Variants in C8orf34 observed in about 807,000 individuals in gnomAD.
C8orf34 encodes chromosome 8 open reading frame 34.
In C8orf34, 65 loss-of-function variants were observed where a neutral mutation model predicts 68.3. The ratio of observed to expected loss-of-function variants is 0.95; its 90% CI spans 0.78 to 1.17. C8orf34 has a LOEUF of 1.17. Ranked by LOEUF, C8orf34 falls within the 50% of genes most tolerant of loss-of-function variation. The pLI is 0.00. For missense variants in C8orf34, 664 were observed against 655.4 expected, an observed-to-expected ratio of 1.01 and a Z score of -0.14; for synonymous variants, 244 against 241.2, an observed-to-expected ratio of 1.01 and a Z score of -0.11.
At chr8:68,800,181 A>G (rs1342426006) in intron 12 of C8orf34, among the ~76,000 whole-genome samples, 1 of 152,190 alleles carries the variant, frequency 6.6e-6, no homozygotes, top group African/African-American at 2.4e-5. Context: ...GAGAGCATTT[A>G]TATCTGTAGC....
chr8:68,639,932 G>A (rs781154112), intron 7 of C8orf34, among the ~76,000 whole-genome samples: 9 of 152,184 alleles, frequency 5.9e-5, no homozygotes, highest in Non-Finnish European at 1.2e-4. Context: ...AGAAACGGAG[G>A]ATTTATGCAA....
chr8:68,781,249 T>G (rs1489662620), intron 11 of C8orf34, among the ~76,000 whole-genome samples: 2 of 152,192 alleles, frequency 1.3e-5, no homozygotes, highest in Non-Finnish European at 2.9e-5. Context: ...AATCTAAAAA[T>G]AAGCTCTTCA....
intron 5 of C8orf34, among the ~76,000 whole-genome samples, chr8:68,499,917 T>C (rs1813693389): frequency 6.6e-6 from 1 of 152,196 alleles, no homozygotes; most frequent in South Asian, 2.1e-4. Context: ...CCCTCATGAA[T>C]GGTTTAGCAC....
chr8:68,776,224 C>CT (rs938070711), intron 10 of C8orf34, among the ~76,000 whole-genome samples, 175 bp from the exon 11 acceptor site: 4 of 151,962 alleles, frequency 2.6e-5, no homozygotes, highest in Non-Finnish European at 5.9e-5. Flanking sequence ...AAACTCTTTT[C>CT]TTTTTTTTCA....
intron 8 of C8orf34, among the ~76,000 whole-genome samples, chr8:68,656,385 A>G (rs1241378864): frequency 1.3e-5 from 2 of 152,164 alleles, no homozygotes; most frequent in African/African-American, 2.4e-5. Flanking sequence ...TTTCACATCA[A>G]CTGTATGTAT....
chr8:68,787,518 G>A lies in C8orf34; in HGVS notation c.1531G>A (p.Glu511Lys), dbSNP rs1823878148. The change falls in exon 12 of 14, where the codon GAA becomes AAA. Residue 511 changes from glutamate (E) to lysine (K), a missense_variant. Glu to Lys is a moderately conservative substitution (Grantham distance 56, BLOSUM62 1). Transcript: ENST00000518698. ...AAGTGACACAGAAAGTGAAGGAGTG[G>A]AAGCAGAACAAGAGAAACGTGAGTA... ...LPSDTESEGV[E>K]AEQEKRSADL... The A allele has an allele frequency of 6.2e-7, 1 of 1,610,464 alleles. No individual in the cohort carries two copies. The highest frequency in any genetic ancestry group is 1.7e-5 in the Admixed American group (1 of 59,908).
At chr8:68,446,743 C>T in intron 3 of C8orf34, 1 of 389,088 alleles carries the variant, frequency 2.6e-6, no homozygotes. Flanking sequence ...TTCTCATAGC[C>T]AATTGTAGCA....
rs920400969 is a variant in C8orf34 at position 68,404,349 on chromosome 8, C to A, written c.328-35150C>A. On this transcript the variant is annotated intron_variant, in intron 1 of 13. Coordinates refer to ENST00000518698, the MANE Select transcript of C8orf34 (RefSeq NM_052958.4). Reference sequence around the variant, plus strand: ...TGCCTGTTCACTCTGATGATAGTTTCTTTTGCTGTGCAGAAGCTCTTTAGT... The same window carrying A: ...TGCCTGTTCACTCTGATGATAGTTTATTTTGCTGTGCAGAAGCTCTTTAGT... 2.6e-5 allele frequency among the ~76,000 whole-genome samples: 4 copies of A among 152,134 alleles called. No individual in the cohort carries two copies. In the East Asian group the frequency reaches 7.8e-4, roughly 30 times the overall value.
intron 5 of C8orf34, among the ~76,000 whole-genome samples, chr8:68,515,717 A>G (rs1413357374): frequency 6.6e-6 from 1 of 152,210 alleles, no homozygotes; most frequent in African/African-American, 2.4e-5. Context: ...CAGGTTTTTC[A>G]CTGAATGTAA....
At chr8:68,643,171 C>T (rs929535583) in intron 8 of C8orf34, among the ~76,000 whole-genome samples, 1 of 152,210 alleles carries the variant, frequency 6.6e-6, no homozygotes, top group Non-Finnish European at 1.5e-5. Context: ...GGAGAACTGT[C>T]TCCCATTGCT....
At chr8:68,664,589 T>G (rs55731817) in intron 8 of C8orf34, among the ~76,000 whole-genome samples, 9,646 of 152,202 alleles carry the variant, frequency 0.063, 400 homozygotes, top group African/African-American at 0.11. Context: ...TTAATGTAAG[T>G]GTTCTGAATA....
intron 12 of C8orf34, among the ~76,000 whole-genome samples, chr8:68,807,234 G>T (rs530660329): frequency 2.6e-5 from 4 of 152,240 alleles, no homozygotes; most frequent in Admixed American, 6.5e-5. Context: ...CAATGGACAT[G>T]GTTCTACCAC....
chr8:68,512,902 T>C (rs1378838373), intron 5 of C8orf34, among the ~76,000 whole-genome samples: 1 of 151,490 alleles, frequency 6.6e-6, no homozygotes, highest in Non-Finnish European at 1.5e-5. Context: ...AATTTCTCAC[T>C]TCAAGGTAAA....
intron 10 of C8orf34, among the ~76,000 whole-genome samples, chr8:68,724,453 G>A (rs1821769001): frequency 6.6e-6 from 1 of 152,168 alleles, no homozygotes; most frequent in African/African-American, 2.4e-5. Flanking sequence ...ATTAATAAGT[G>A]AGGAACAGAC....
intron 12 of C8orf34, among the ~76,000 whole-genome samples, chr8:68,812,342 G>T (rs753746199): frequency 6.6e-6 from 1 of 152,118 alleles, no homozygotes; most frequent in Non-Finnish European, 1.5e-5. Context: ...TTCAAAGCAT[G>T]CTGCCAAATT....
intron 8 of C8orf34, among the ~76,000 whole-genome samples, chr8:68,669,837 C>T: frequency 6.6e-6 from 1 of 152,130 alleles, no homozygotes; most frequent in South Asian, 2.1e-4. Flanking sequence ...ATTTTCATCT[C>T]AGGCCACTGT....
At chr8:68,481,667 T>A (rs112687369) in intron 4 of C8orf34, among the ~76,000 whole-genome samples, 1 of 152,208 alleles carries the variant, frequency 6.6e-6, no homozygotes, top group African/African-American at 2.4e-5. Flanking sequence ...ATTTTGGAGC[T>A]TTAAAATTTG....
At chr8:68,775,197 G>A (rs149437776) in intron 10 of C8orf34, among the ~76,000 whole-genome samples, 31 of 152,014 alleles carry the variant, frequency 2.0e-4, no homozygotes, top group East Asian at 5.8e-4. Flanking sequence ...TTAAATTGGC[G>A]TGAGGTTGTC....
At chr8:68,525,960 T>TTC (rs1235590719) in intron 6 of C8orf34, 2 of 236,646 alleles carry the variant, frequency 8.5e-6, no homozygotes, top group African/African-American at 2.5e-5. Context: ...TTCTTTCTTT[T>TTC]TTTTTTTTTT....
Sources: allele counts gnomAD v4.1 joint callset (sites outside exome capture counted in the v4.1 genomes callset), GRCh38; gene constraint gnomAD v4.1.1; transcripts MANE v1.5; gene names NCBI Gene and HGNC (gene_info 2026-07-23, HGNC 2026-07-21).